PLVAP: variants seen among roughly 807,000 people sequenced by gnomAD.
The protein encoded by PLVAP is plasmalemma vesicle associated protein.
A neutral mutation model predicts 43.1 loss-of-function variants in PLVAP; 34 were observed. The ratio of observed to expected loss-of-function variants is 0.79; its 90% CI spans 0.60 to 1.05. The LOEUF is 1.05. PLVAP is among the 50% of genes least tolerant of loss of function. PLVAP has a pLI of 0.00. For missense variants in PLVAP, 574 were observed against 593.4 expected, an observed-to-expected ratio of 0.97 and a Z score of 0.34; for synonymous variants, 241 against 237.3, an observed-to-expected ratio of 1.02 and a Z score of -0.14.
At chr19:17,367,151 C>A (rs965206857) in intron 1 of PLVAP, among the ~76,000 whole-genome samples, 2 of 151,386 alleles carry the variant, frequency 1.3e-5, no homozygotes, top group East Asian at 3.9e-4. Context: ...TACCATGCTG[C>A]CGAGGCTGGT....
Position 17,367,631 on chromosome 19 carries a change from C to T in PLVAP, c.370-1436G>A, listed in dbSNP as rs575215790. 4.6e-5 allele frequency among the ~76,000 whole-genome samples: 7 copies of T among 152,212 alleles called. No homozygotes were observed. In the South Asian group the frequency reaches 1.0e-3, roughly 23 times the overall value. ...CTTGAACTCCCAACCTCAGGTGATC[C>T]GCCTATCTCGGCCTCCCAAAGTGCT... On this transcript the variant is annotated intron_variant, in intron 1 of 5. Transcript: ENST00000252590.
Position 17,365,293 on chromosome 19 carries a change from T to C in PLVAP, c.1172A>G (p.Lys391Arg), listed in dbSNP as rs753976923. 3.7e-6 allele frequency: 6 copies of C among 1,609,120 alleles called. No individual in the cohort carries two copies. The African/African-American group carries it at 8.0e-5, about 21-fold the overall frequency. The change falls in exon 3 of 6, where the codon AAG (lysine) becomes AGG (arginine). Residue 391 changes from lysine to arginine, a missense_variant. Lys to Arg is a conservative substitution (Grantham distance 26). Transcript: ENST00000252590. The stretch of plus-strand genomic sequence containing the variant: ...TGGGGCCTGCAAGCCCACCTTGGTC[T>C]TGATGCAGGTGTCCAGGGCTGAGTT... ...IRNSALDTCI[K>R]TKSQPMMPVS... is the part of the protein sequence containing the mutation.
chr19:17,366,208 T>C lies in PLVAP; in HGVS notation c.370-13A>G. ...TCGTGTAGATGACCTGCCCGGAAGA[T>C]AGGGGAAGGACGCAGGACAGAGCTT... On this transcript the variant is annotated splice_polypyrimidine_tract_variant and intron_variant, in intron 1 of 5. Transcript: ENST00000252590. 1.2e-6 allele frequency: 2 copies of C among 1,613,172 alleles called. No homozygotes were observed. The highest frequency in any genetic ancestry group is 1.7e-6 in the Non-Finnish European group (2 of 1,179,520).
chr19:17,355,741 G>A (rs1321823853), intron 5 of PLVAP, among the ~76,000 whole-genome samples: 1 of 151,376 alleles, frequency 6.6e-6, no homozygotes, highest in African/African-American at 2.4e-5. Context: ...TCACCATGTT[G>A]GCCATGCTGG....
rs538112984 is a variant in PLVAP, at chr19:17,359,137, T to G, written c.1322+1391A>C. Among the ~76,000 whole-genome samples the G allele has an allele frequency of 1.2e-3, 172 of 144,898 alleles. 2 individuals are homozygous for G. Among genetic ancestry groups the G allele is most frequent in the South Asian group, 3.3e-3 (15 of 4,524 alleles). ...TATTTATTATTTTTATTTTTATTTT[T>G]TGTTGCCCAGGCTGGAGTGTAGTGG... On this transcript the variant is annotated intron_variant, in intron 5 of 5. Transcript: ENST00000252590.
At chr19:17,358,382 G>A (rs571537548) in intron 5 of PLVAP, among the ~76,000 whole-genome samples, 1 of 152,218 alleles carries the variant, frequency 6.6e-6, no homozygotes, top group South Asian at 2.1e-4. Context: ...TTAGCCCTCT[G>A]AGGCTGCAAC....
chr19:17,365,237 A>T (rs1473849298), intron 3 of PLVAP, 49 bp downstream of exon 3: 1 of 1,532,566 alleles, frequency 6.5e-7, no homozygotes, highest in East Asian at 2.3e-5. Context: ...CCCTCTTGGC[A>T]TCTGGACCTA....
intron 1 of PLVAP, among the ~76,000 whole-genome samples, chr19:17,366,731 A>C (rs1478951429): frequency 2.7e-5 from 4 of 150,724 alleles, no homozygotes; most frequent in Non-Finnish European, 4.4e-5. Flanking sequence ...TCCCAGATTC[A>C]AACAATTCTC....
intron 3 of PLVAP, chr19:17,362,203 T>A (rs111835104): frequency 6.6e-6 from 1 of 152,164 alleles, no homozygotes. Flanking sequence ...GACCCCAGCC[T>A]CTGCCCAGCT....
chr19:17,365,166 C>T lies in PLVAP; in HGVS notation c.1179+120G>A, dbSNP rs980452731. 57 of 839,232 alleles carry T rather than the reference C, an allele frequency of 6.8e-5. No individual in the cohort carries two copies. The South Asian group carries it at 9.4e-4, about 14-fold the overall frequency. 52.0% of individuals were successfully genotyped at this position (839,232 alleles called of 1,614,324 possible). On this transcript the variant is annotated intron_variant, in intron 3 of 5. Transcript: ENST00000252590. ...AATGCCTGATCCTAGAGAGTTGTAA[C>T]TCACCCAACCTAGACCAGGAAGCCA...
At chr19:17,362,459 C>T (rs991610525) in intron 3 of PLVAP, 1 of 152,504 alleles carries the variant, frequency 6.6e-6, no homozygotes, top group Non-Finnish European at 1.5e-5. Flanking sequence ...TTCAACTCAA[C>T]TCCAAGCCCA....
intron 5 of PLVAP, among the ~76,000 whole-genome samples, chr19:17,356,257 CAG>C (rs2074506265): frequency 6.6e-6 from 1 of 152,088 alleles, no homozygotes; most frequent in South Asian, 2.1e-4. Flanking sequence ...TTTCAGTGAG[CAG>C]AGATTGCGCC....
Position 17,365,833 on chromosome 19 carries a change from C to A in PLVAP, c.632G>T (p.Arg211Leu). The A allele has an allele frequency of 6.2e-7, 1 of 1,614,134 alleles. No individual in the cohort carries two copies. The highest frequency in any genetic ancestry group is 8.5e-7 in the Non-Finnish European group (1 of 1,180,032). Residue 211 changes from arginine to leucine, a missense_variant, in exon 3 of 6, where the codon CGC becomes CTC. Physicochemically the swap from Arg to Leu is moderately radical, Grantham distance 102. Transcript: ENST00000252590. The stretch of plus-strand genomic sequence containing the variant: ...TTGCAGTTGCTCCTTGGCCAGCTGG[C>A]GCTCTTGGTGCTGCAGCTCCCGGGT... ...VKTRELQHQE[R>L]QLAKEQLQKV...
chr19:17,367,271 G>A (rs1392005048), intron 1 of PLVAP, among the ~76,000 whole-genome samples: 1 of 151,974 alleles, frequency 6.6e-6, no homozygotes, highest in African/African-American at 2.4e-5. Flanking sequence ...CTAGAGTACA[G>A]TGGAGTGATC....
At chr19:17,372,905 A>G (rs1283620286) in intron 1 of PLVAP, among the ~76,000 whole-genome samples, 1 of 138,390 alleles carries the variant, frequency 7.2e-6, no homozygotes, top group Non-Finnish European at 1.6e-5. Context: ...TACTAAAAAT[A>G]CAAAAAAAAA....
intron 3 of PLVAP, chr19:17,362,268 T>G (rs1316946055): frequency 6.6e-6 from 1 of 151,878 alleles, no homozygotes; most frequent in East Asian, 1.9e-4. Context: ...ACTCCAATCC[T>G]AAGGCCCTAT....
chr19:17,368,928 A>G (rs1477958012), intron 1 of PLVAP, among the ~76,000 whole-genome samples: 1 of 151,672 alleles, frequency 6.6e-6, no homozygotes, highest in Non-Finnish European at 1.5e-5. Context: ...CAGTGAGCCG[A>G]GATCGCGTCT....
chr19:17,360,177 AGTGGTTTGCCC>A (rs1444826488), intron 5 of PLVAP, among the ~76,000 whole-genome samples: 4 of 152,158 alleles, frequency 2.6e-5, no homozygotes, highest in Non-Finnish European at 1.5e-5. Context: ...TGGGTAGAAT[AGTGGTTTGCCC>A]TACTATTATT....
At chr19:17,361,078 C>T (rs1445197395) in intron 3 of PLVAP, 2 of 429,904 alleles carry the variant, frequency 4.7e-6, no homozygotes, top group Admixed American at 3.9e-5. Context: ...CCATGCCTGG[C>T]TAATTTTTTG....
Sources: gnomAD v4.1 joint callset for allele counts (sites outside exome capture counted in the v4.1 genomes callset) on GRCh38, gnomAD v4.1.1 for gene constraint, MANE v1.5 for transcripts, NCBI Gene and HGNC (gene_info 2026-07-23, HGNC 2026-07-21) for gene names.